Variants in KANK1 observed in about 807,000 individuals in gnomAD.
The protein encoded by KANK1 is KN motif and ankyrin repeat domains 1.
Under a neutral mutation model 106.2 loss-of-function variants are expected in KANK1, and 109 were observed. The ratio of observed to expected loss-of-function variants is 1.03; its 90% CI spans 0.88 to 1.20. The LOEUF is 1.20. Among genes scored for constraint, KANK1 ranks in the 50% most tolerant of loss-of-function variants. KANK1 has a pLI of 0.00. For synonymous variants in KANK1, 873 were observed against 652.2 expected, an observed-to-expected ratio of 1.34 and a Z score of -5.16; for missense variants, 2,399 against 1,710.7, an observed-to-expected ratio of 1.40 and a Z score of -7.10.
At position 488,092 on chromosome 9, in the gene KANK1, G is replaced by C. The variant is rs538342907; in HGVS notation, c.-362+14819G>C. 2.6e-5 allele frequency among the ~76,000 whole-genome samples: 4 copies of C among 152,268 alleles called. No individual in the cohort carries two copies. The South Asian group carries it at 8.3e-4, about 32-fold the overall frequency. ...TTGGTCCATATTCATTCTATGAGGA[G>C]ATGGTCAACATGGCTACGAACTCCA... On this transcript the variant is annotated intron_variant, in intron 3 of 15. Coordinates refer to the KANK1 transcript ENST00000382303.
At chr9:553,404 T>G (rs942072408) in intron 1 of KANK1, among the ~76,000 whole-genome samples, 4 of 152,174 alleles carry the variant, frequency 2.6e-5, no homozygotes, top group Non-Finnish European at 5.9e-5. Context: ...TACTGTGATT[T>G]TTATTAAACA....
intron 1 of KANK1, among the ~76,000 whole-genome samples, chr9:636,322 A>G (rs1398440663): frequency 6.6e-6 from 1 of 152,160 alleles, no homozygotes; most frequent in Non-Finnish European, 1.5e-5. Context: ...GCTGCCATAT[A>G]TTACTGCTTC....
intron 1 of KANK1, among the ~76,000 whole-genome samples, chr9:549,950 G>C (rs571239903): frequency 1.3e-5 from 2 of 152,252 alleles, no homozygotes; most frequent in South Asian, 4.1e-4. Context: ...GCAGTGGTCA[G>C]AAAGTTCCCT....
intron 3 of KANK1, among the ~76,000 whole-genome samples, chr9:728,113 CAT>C (rs1261700478): frequency 6.6e-6 from 1 of 152,184 alleles, no homozygotes. Flanking sequence ...TATAGCATCA[CAT>C]GACAGCAGAC....
At chr9:492,990 C>T (rs1197190077) in intron 3 of KANK1, among the ~76,000 whole-genome samples, 2 of 149,090 alleles carry the variant, frequency 1.3e-5, no homozygotes, top group African/African-American at 5.0e-5. Flanking sequence ...TGCCATTGCA[C>T]TCCAGCCTGG....
At chr9:676,192 C>G (rs1247847526) in intron 1 of KANK1, among the ~76,000 whole-genome samples, 1 of 152,138 alleles carries the variant, frequency 6.6e-6, no homozygotes, top group Non-Finnish European at 1.5e-5. Context: ...CTAAGAATGC[C>G]TAACCTCCTG....
chr9:528,471 T>TC (rs2059907437), intron 1 of KANK1, among the ~76,000 whole-genome samples: 3 of 8,562 alleles, frequency 3.5e-4, no homozygotes, highest in African/African-American at 1.3e-3. Context: ...AAAAATAACT[T>TC]TTTTTTTTTT....
intron 1 of KANK1, among the ~76,000 whole-genome samples, chr9:630,766 G>A (rs1242894374): frequency 6.6e-6 from 1 of 151,800 alleles, no homozygotes; most frequent in African/African-American, 2.4e-5. Flanking sequence ...AGCCAGGTGT[G>A]GTGGCAGGCG....
chr9:651,980 G>A (rs541338580), intron 1 of KANK1, among the ~76,000 whole-genome samples: 2 of 152,204 alleles, frequency 1.3e-5, no homozygotes, highest in African/African-American at 4.8e-5. Context: ...TATGTTCAAA[G>A]CAATAAATTT....
chr9:593,210 G>T (rs1002229546), intron 1 of KANK1, among the ~76,000 whole-genome samples: 1 of 151,744 alleles, frequency 6.6e-6, no homozygotes, highest in Non-Finnish European at 1.5e-5. Flanking sequence ...ATGTGTTCCA[G>T]TTTTTGGTTT....
intron 1 of KANK1, among the ~76,000 whole-genome samples, chr9:565,605 G>T (rs550606928): frequency 6.6e-6 from 1 of 152,216 alleles, no homozygotes; most frequent in African/African-American, 2.4e-5. Flanking sequence ...GGCTGGGGAT[G>T]CCATCATAGG....
chr9:617,149 A>G (rs1026048100), intron 1 of KANK1, among the ~76,000 whole-genome samples: 2 of 152,112 alleles, frequency 1.3e-5, no homozygotes, highest in African/African-American at 2.4e-5. Flanking sequence ...CATTATGTCT[A>G]ATAAAATATA....
At chr9:623,653 C>A (rs1833704628) in intron 1 of KANK1, among the ~76,000 whole-genome samples, 1 of 151,000 alleles carries the variant, frequency 6.6e-6, no homozygotes, top group Non-Finnish European at 1.5e-5. Context: ...TGCTTGACAT[C>A]ACTAATCATT....
chr9:564,165 T>C (rs1187569825), intron 1 of KANK1, among the ~76,000 whole-genome samples: 2 of 151,786 alleles, frequency 1.3e-5, no homozygotes, highest in Non-Finnish European at 2.9e-5. Context: ...GTTCACGCCA[T>C]TCTCCTGCCT....
chr9:627,350 GGA>G (rs988066744), intron 1 of KANK1, among the ~76,000 whole-genome samples: 1 of 151,996 alleles, frequency 6.6e-6, no homozygotes, highest in African/African-American at 2.4e-5. Flanking sequence ...CTTCTGCCCA[GGA>G]TTTCTCACTC....
chr9:590,067 A>G (rs1455582804), intron 1 of KANK1, among the ~76,000 whole-genome samples: 1 of 152,138 alleles, frequency 6.6e-6, no homozygotes, highest in East Asian at 1.9e-4. Flanking sequence ...GGAGTGAGGA[A>G]AAAAACGGCA....
At chr9:497,859 CCA>C (rs879669985) in intron 3 of KANK1, among the ~76,000 whole-genome samples, 1 of 144,336 alleles carries the variant, frequency 6.9e-6, no homozygotes, top group African/African-American at 2.9e-5. Context: ...TATTAACCCC[CCA>C]CACACACACA....
At chr9:694,224 C>G (rs1820667762) in intron 2 of KANK1, among the ~76,000 whole-genome samples, 1 of 152,186 alleles carries the variant, frequency 6.6e-6, no homozygotes, top group Non-Finnish European at 1.5e-5. Context: ...TCCACTACCA[C>G]CCCACCTCCC....
intron 1 of KANK1, among the ~76,000 whole-genome samples, chr9:574,966 A>C (rs775455248): frequency 2.6e-4 from 39 of 152,008 alleles, no homozygotes; most frequent in Non-Finnish European, 4.7e-4. Flanking sequence ...ACTTGAAGTC[A>C]TTTTACATAT....
Sources: allele counts gnomAD v4.1 joint callset (sites outside exome capture counted in the v4.1 genomes callset), GRCh38; gene constraint gnomAD v4.1.1; transcripts MANE v1.5; gene names NCBI Gene and HGNC (gene_info 2026-07-23, HGNC 2026-07-21).